RUFY1: variants seen among roughly 807,000 people sequenced by gnomAD.
The protein encoded by RUFY1 is RUN and FYVE domain-containing protein 1.
A neutral mutation model predicts 94.6 loss-of-function variants in RUFY1; 54 were observed. The observed-to-expected ratio is 0.57, with a 90% CI of 0.46 to 0.72. The LOEUF is 0.72. RUFY1 is among the 30% of genes least tolerant of loss of function. The pLI is 0.00. For synonymous variants in RUFY1, 396 were observed against 347.3 expected (o/e 1.14, Z -1.56); for missense variants, 883 against 883.9 (o/e 1.00, Z 0.01).
intron 3 of RUFY1, among the ~76,000 whole-genome samples, chr5:179,565,034 T>C (rs937176552): frequency 1.3e-5 from 2 of 152,142 alleles, no homozygotes; most frequent in Non-Finnish European, 1.5e-5. Context: ...TTGGTACCTG[T>C]TTTCATGTGT....
chr5:179,559,137 C>A (rs1288383396), intron 1 of RUFY1, among the ~76,000 whole-genome samples: 1 of 152,226 alleles, frequency 6.6e-6, no homozygotes, highest in East Asian at 1.9e-4. Flanking sequence ...CCGCGCTTCG[C>A]ACCTGGGACT....
intron 3 of RUFY1, among the ~76,000 whole-genome samples, 196 bp from the exon 4 acceptor site, chr5:179,567,265 C>G (rs1226082039): frequency 6.6e-6 from 1 of 152,114 alleles, no homozygotes; most frequent in Non-Finnish European, 1.5e-5. Context: ...TAATAGTACT[C>G]AAAGGTATGT....
chr5:179,605,411 T>A (rs891438464), intron 15 of RUFY1, among the ~76,000 whole-genome samples: 2 of 152,206 alleles, frequency 1.3e-5, no homozygotes, highest in African/African-American at 4.8e-5. Context: ...GTTCTGACAC[T>A]GAACAAGAAT....
At position 179,594,939 on chromosome 5, in the gene RUFY1, C is replaced by G. The variant is rs760892531; in HGVS notation, c.1487C>G (p.Ser496Cys). 5.1e-5 allele frequency: 82 copies of G among 1,611,492 alleles called. No homozygotes were observed. The highest frequency in any genetic ancestry group is 6.7e-5 in the Non-Finnish European group (79 of 1,178,092). The change falls in exon 12 of 18, where the codon TCC becomes TGC. Residue 496 changes from serine to cysteine, a missense_variant. Physicochemically the swap from Ser to Cys is moderately radical, Grantham distance 112. Coordinates refer to ENST00000319449, the MANE Select transcript of RUFY1 (RefSeq NM_025158.5). Reference sequence around the variant, plus strand: ...GAAGGAAAAACCAACCAAGTTATGTCCAGCATGAAACAAATGGAAGAAAGG... The same window carrying G: ...GAAGGAAAAACCAACCAAGTTATGTGCAGCATGAAACAAATGGAAGAAAGG... ...SFEGKTNQVM[S>C]SMKQMEERLQ...
chr5:179,587,645 C>T (rs1304234753), intron 8 of RUFY1, among the ~76,000 whole-genome samples: 1 of 150,832 alleles, frequency 6.6e-6, no homozygotes, highest in East Asian at 2.0e-4. Context: ...TGTGATCTGC[C>T]CACCTCGGCC....
At chr5:179,577,546 A>G (rs1476021120) in intron 6 of RUFY1, among the ~76,000 whole-genome samples, 1 of 147,040 alleles carries the variant, frequency 6.8e-6, no homozygotes, top group Non-Finnish European at 1.5e-5. Flanking sequence ...GAAATTGCCG[A>G]AGACTAGCGG....
At chr5:179,556,918 CCT>C (rs771356347) in intron 1 of RUFY1, among the ~76,000 whole-genome samples, 4 of 152,110 alleles carry the variant, frequency 2.6e-5, no homozygotes, top group Non-Finnish European at 5.9e-5. Flanking sequence ...CAGTTTTAGT[CCT>C]GTTTTTTGTT....
intron 3 of RUFY1, among the ~76,000 whole-genome samples, chr5:179,565,040 T>A (rs556093943): frequency 2.0e-5 from 3 of 152,214 alleles, no homozygotes; most frequent in Admixed American, 2.0e-4. Flanking sequence ...CCTGTTTTCA[T>A]GTGTAGAAAC....
At chr5:179,566,068 G>A (rs967567916) in intron 3 of RUFY1, among the ~76,000 whole-genome samples, 1 of 151,868 alleles carries the variant, frequency 6.6e-6, no homozygotes, top group South Asian at 2.1e-4. Flanking sequence ...TTGAGCCTGG[G>A]AGTTCCAGGC....
At chr5:179,557,204 G>A (rs1314327904) in intron 1 of RUFY1, among the ~76,000 whole-genome samples, 1 of 152,128 alleles carries the variant, frequency 6.6e-6, no homozygotes, top group Non-Finnish European at 1.5e-5. Flanking sequence ...TGAGGCAGGT[G>A]GATGGCCTGA....
chr5:179,578,245 G>A (rs1763813348), intron 6 of RUFY1, among the ~76,000 whole-genome samples: 1 of 152,064 alleles, frequency 6.6e-6, no homozygotes, highest in African/African-American at 2.4e-5. Context: ...ATGGATTCTC[G>A]CTCTGTCGCC....
chr5:179,609,242 C>A, intron 17 of RUFY1, 134 bp from the exon 18 acceptor site: 5 of 757,506 alleles, frequency 6.6e-6, no homozygotes, highest in Non-Finnish European at 1.0e-5. Context: ...TGTTTGCACA[C>A]AGCCCCTCAC....
intron 3 of RUFY1, 43 bp downstream of exon 3, chr5:179,562,707 T>C (rs753269527): frequency 6.8e-6 from 7 of 1,031,342 alleles, no homozygotes; most frequent in East Asian, 4.7e-5. Context: ...TTTTAAAAAC[T>C]CCCTCATATT....
chr5:179,563,224 G>A (rs1050901536), intron 3 of RUFY1, among the ~76,000 whole-genome samples: 3 of 152,278 alleles, frequency 2.0e-5, no homozygotes, highest in Non-Finnish European at 4.4e-5. Context: ...TCCCAGACGG[G>A]ACTGGACTGT....
At chr5:179,594,162 C>G (rs1362766147) in intron 11 of RUFY1, among the ~76,000 whole-genome samples, 2 of 151,788 alleles carry the variant, frequency 1.3e-5, no homozygotes, top group Non-Finnish European at 2.9e-5. Flanking sequence ...ATTAGCTGGG[C>G]ATGGAGGTGC....
chr5:179,590,294 C>A (rs1460659902), intron 9 of RUFY1, among the ~76,000 whole-genome samples: 8 of 150,338 alleles, frequency 5.3e-5, no homozygotes, highest in Non-Finnish European at 1.5e-5. Flanking sequence ...ATGGAGCTTG[C>A]AGTGAGCTGA....
chr5:179,593,752 T>C (rs970249532), intron 11 of RUFY1, 107 bp downstream of exon 11: 5 of 1,476,970 alleles, frequency 3.4e-6, no homozygotes, highest in Non-Finnish European at 4.5e-6. Flanking sequence ...GCCCCTCGTA[T>C]GTGTCAGACC....
At chr5:179,561,212 AAAATAAATAAATAAAT>A (rs140332916) in intron 2 of RUFY1, among the ~76,000 whole-genome samples, 1 of 141,616 alleles carries the variant, frequency 7.1e-6, no homozygotes, top group Admixed American at 6.9e-5. Flanking sequence ...TTCCATCTCA[AAAATAAATAAATAAAT>A]AAATTAATTA....
chr5:179,574,560 C>A lies in RUFY1; in HGVS notation c.829-2515C>A, dbSNP rs563897413. Among the ~76,000 whole-genome samples the A allele has an allele frequency of 7.1e-4, 108 of 152,262 alleles. 2 individuals are homozygous for A. In the South Asian group the frequency reaches 0.022, roughly 31 times the overall value. ...CCTTTTTTGGTCTTTGTTCTTTGAC[C>A]ACTTTAACTTTTAGCATAGTTTTGA... On this transcript the variant is annotated intron_variant, in intron 5 of 17. Coordinates refer to ENST00000319449, the MANE Select transcript of RUFY1 (RefSeq NM_025158.5).
Sources: allele counts gnomAD v4.1 joint callset (sites outside exome capture counted in the v4.1 genomes callset), GRCh38; gene constraint gnomAD v4.1.1; transcripts MANE v1.5; gene names NCBI Gene and HGNC (gene_info 2026-07-23, HGNC 2026-07-21).